PYGO1: variants seen among roughly 807,000 people sequenced by gnomAD.
PYGO1 encodes pygopus family PHD finger 1.
Under a neutral mutation model 29.5 loss-of-function variants are expected in PYGO1, and 6 were observed. The ratio of observed to expected loss-of-function variants is 0.20; its 90% CI spans 0.11 to 0.40. The LOEUF (loss-of-function observed/expected upper bound fraction) is 0.40. PYGO1 is among the 10% of genes least tolerant of loss of function. The pLI is 1.00. For missense variants in PYGO1, 515 were observed against 514.9 expected (o/e 1.00, Z 0.00); for synonymous variants, 186 against 180.5 (o/e 1.03, Z -0.24).
intron 1 of PYGO1, among the ~76,000 whole-genome samples, chr15:55,563,146 T>A (rs7171285): frequency 0.94 from 142,858 of 152,184 alleles, 67,227 homozygotes; most frequent in Non-Finnish European, 0.97. Context: ...ACACTATCAC[T>A]AAAGTGAAAA....
chr15:55,544,695 G>C lies in PYGO1; in HGVS notation c.*1328C>G, dbSNP rs2058841953. On this transcript the variant is annotated 3_prime_UTR_variant, in exon 3 of 3. Transcript: ENST00000563719. The stretch of plus-strand genomic sequence containing the variant: ...CCACACAATCTTCAGAATTTTTTTG[G>C]TTGCAATGATAATGGTGGCAACATA... 6.6e-6 allele frequency: 1 copy of C among 151,840 alleles called. No homozygotes were observed. Among genetic ancestry groups the C allele is most frequent in the Admixed American group, 6.6e-5 (1 of 15,252 alleles). 9.4% of individuals were successfully genotyped at this position (151,840 alleles called of 1,614,324 possible).
At position 55,543,438 on chromosome 15, in the gene PYGO1, TGA is replaced by T. The variant is rs1161593215; in HGVS notation, c.*2583_*2584del. ...TATGATTCACTATCAGAATGAACCG[TGA>T]GTTTTTCTTTTGAATATTTACAGAT... is the stretch of plus-strand genomic sequence containing the variant. On this transcript the variant is annotated 3_prime_UTR_variant, in exon 3 of 3. Transcript: ENST00000563719. The T allele has an allele frequency of 6.6e-6, 1 of 152,224 alleles. No homozygotes were observed. Among genetic ancestry groups the T allele is most frequent in the East Asian group, 1.9e-4 (1 of 5,196 alleles). The allele number at this position is 152,224 out of a possible 1,614,324, so 9.4% of individuals were successfully genotyped here.
rs1371112199 is a variant in PYGO1 at position 55,543,686 on chromosome 15, T to C, written c.*2337A>G. 6.6e-6 allele frequency: 1 copy of C among 152,196 alleles called. No homozygotes were observed. Among genetic ancestry groups the C allele is most frequent in the Non-Finnish European group, 1.5e-5 (1 of 68,026 alleles). 9.4% of individuals were successfully genotyped at this position (152,196 alleles called of 1,614,324 possible). ...TAAGAAACTGCATAATTGATTTTAG[T>C]AATGATCACAACTCAAGTACTACCA... On this transcript the variant is annotated 3_prime_UTR_variant, in exon 3 of 3. Transcript: ENST00000563719.
At chr15:55,579,428 G>GA (rs2059017069) in intron 1 of PYGO1, among the ~76,000 whole-genome samples, 1 of 152,126 alleles carries the variant, frequency 6.6e-6, no homozygotes. Context: ...AGTATAAATA[G>GA]AAAAAGGTAA....
upstream of PYGO1, chr15:55,588,788 G>A (rs1298975998): frequency 2.5e-6 from 4 of 1,612,690 alleles, no homozygotes; most frequent in South Asian, 4.4e-5. Context: ...GCTAGGGATC[G>A]GAAAGATGAA....
At chr15:55,581,044 T>C (rs141336879) in intron 1 of PYGO1, among the ~76,000 whole-genome samples, 16 of 152,330 alleles carry the variant, frequency 1.1e-4, no homozygotes, top group African/African-American at 3.6e-4. Context: ...TCTTATAACC[T>C]ATAGGAAACA....
chr15:55,557,767 G>A (rs540879906), intron 1 of PYGO1, among the ~76,000 whole-genome samples: 7 of 152,208 alleles, frequency 4.6e-5, no homozygotes, highest in African/African-American at 7.2e-5. Context: ...AATAGATGCC[G>A]CAAAGACCTT....
rs1444667722 is a variant in PYGO1 at position 55,545,839 on chromosome 15, C to T, written c.*184G>A. On this transcript the variant is annotated 3_prime_UTR_variant, in exon 3 of 3. Coordinates refer to ENST00000563719, the MANE Select transcript of PYGO1 (RefSeq NM_001367806.1). Reference sequence around the variant, plus strand: ...CTAAAGCACCCCCATATACATTATTCTCATTTAAGACAGCAAGCAAAGACA... The same window carrying T: ...CTAAAGCACCCCCATATACATTATTTTCATTTAAGACAGCAAGCAAAGACA... 10 of 571,706 alleles carry T rather than the reference C, an allele frequency of 1.7e-5. No homozygotes were observed. The South Asian group carries it at 2.8e-4, about 16-fold the overall frequency. The allele number at this position is 571,706 out of a possible 1,614,324, so 35.4% of individuals were successfully genotyped here. A position where few individuals can be genotyped will look rare whatever the true frequency, so the allele number is the denominator to read the frequency against.
chr15:55,568,741 C>T (rs2058967970), intron 1 of PYGO1, among the ~76,000 whole-genome samples: 1 of 151,798 alleles, frequency 6.6e-6, no homozygotes, highest in Non-Finnish European at 1.5e-5. Context: ...ATAGAGGGCT[C>T]TTATTATTTG....
intron 1 of PYGO1, among the ~76,000 whole-genome samples, chr15:55,583,188 A>C (rs2059032277): frequency 6.6e-6 from 1 of 152,138 alleles, no homozygotes. Context: ...TGACAATAGA[A>C]ACCTTGTCTG....
chr15:55,587,656 G>A (rs560434649), intron 1 of PYGO1, among the ~76,000 whole-genome samples, 179 bp downstream of exon 1: 3 of 152,038 alleles, frequency 2.0e-5, no homozygotes, highest in African/African-American at 7.2e-5. Flanking sequence ...ATGTCTCGGG[G>A]GCCAGCGGGC....
chr15:55,555,655 C>G (rs1479587852), intron 1 of PYGO1, among the ~76,000 whole-genome samples: 2 of 151,736 alleles, frequency 1.3e-5, no homozygotes, highest in Non-Finnish European at 2.9e-5. Context: ...CACATGTACC[C>G]TAAAACTTAA....
intron 1 of PYGO1, among the ~76,000 whole-genome samples, chr15:55,583,976 C>T (rs2059036063): frequency 6.6e-6 from 1 of 152,180 alleles, no homozygotes; most frequent in Admixed American, 6.5e-5. Context: ...CTTCTCCTTC[C>T]TTGATTCCCC....
intron 1 of PYGO1, among the ~76,000 whole-genome samples, chr15:55,574,255 C>A (rs1443759871): frequency 1.3e-5 from 2 of 152,182 alleles, no homozygotes; most frequent in African/African-American, 2.4e-5. Flanking sequence ...CAGATACTTG[C>A]AACATTTGAC....
At position 55,545,834 on chromosome 15, in the gene PYGO1, T is replaced by G. The variant is rs2058847115; in HGVS notation, c.*189A>C. On this transcript the variant is annotated 3_prime_UTR_variant, in exon 3 of 3. Transcript: ENST00000563719. Reference sequence around the variant, plus strand: ...TGTTTCTAAAGCACCCCCATATACATTATTCTCATTTAAGACAGCAAGCAA... The same window carrying G: ...TGTTTCTAAAGCACCCCCATATACAGTATTCTCATTTAAGACAGCAAGCAA... The G allele has an allele frequency of 3.6e-6, 2 of 558,586 alleles. No homozygotes were observed. The highest frequency in any genetic ancestry group is 6.0e-6 in the Non-Finnish European group (2 of 331,790). 34.6% of individuals were successfully genotyped at this position (558,586 alleles called of 1,614,324 possible).
At chr15:55,556,422 C>T (rs1252175845) in intron 1 of PYGO1, among the ~76,000 whole-genome samples, 2 of 151,980 alleles carry the variant, frequency 1.3e-5, no homozygotes, top group Non-Finnish European at 2.9e-5. Flanking sequence ...CTGAAATTAA[C>T]ACAGAAATCA....
At chr15:55,586,397 C>A (rs1315709258) in intron 1 of PYGO1, among the ~76,000 whole-genome samples, 1 of 152,152 alleles carries the variant, frequency 6.6e-6, no homozygotes, top group Non-Finnish European at 1.5e-5. Flanking sequence ...AAGCCAAAGT[C>A]TTTTAAATGG....
chr15:55,539,330 T>C lies in PYGO1; in HGVS notation c.*6693A>G, dbSNP rs1228233684. On this transcript the variant is annotated 3_prime_UTR_variant, in exon 3 of 3. Transcript: ENST00000563719. ...AGTAATTCAGAATTGAGAATGTATT[T>C]AACACTTGGAAGCCCTTAAAGAGTC... The C allele has an allele frequency of 6.6e-6, 1 of 152,138 alleles. No homozygotes were observed. The highest frequency in any genetic ancestry group is 1.5e-5 in the Non-Finnish European group (1 of 67,986). The allele number at this position is 152,138 out of a possible 1,614,324, so 9.4% of individuals were successfully genotyped here.
intron 1 of PYGO1, among the ~76,000 whole-genome samples, chr15:55,577,193 T>C (rs974888605): frequency 6.6e-6 from 1 of 152,102 alleles, no homozygotes; most frequent in Non-Finnish European, 1.5e-5. Flanking sequence ...AAAATGGAGA[T>C]TCACTGAGCC....
Sources: allele counts gnomAD v4.1 joint callset (sites outside exome capture counted in the v4.1 genomes callset), GRCh38; gene constraint gnomAD v4.1.1; transcripts MANE v1.5; gene names NCBI Gene and HGNC (gene_info 2026-07-23, HGNC 2026-07-21).